The following CMTM7 variants were observed in gnomAD, a reference collection of about 807,000 sequenced individuals.
The protein encoded by CMTM7 is CKLF-like MARVEL transmembrane domain-containing protein 7.
In CMTM7, 7 loss-of-function variants were observed where a neutral mutation model predicts 19.3. That is an observed-to-expected ratio of 0.36 (90% confidence interval 0.21 to 0.68). The LOEUF (loss-of-function observed/expected upper bound fraction) is 0.68. CMTM7 is among the 30% of genes least tolerant of loss of function. The pLI is 0.60. For missense variants in CMTM7, 193 were observed against 232.6 expected (o/e 0.83, Z 1.11); for synonymous variants, 87 against 99.3 (o/e 0.88, Z 0.74).
Position 32,449,419 on chromosome 3 carries a change from C to A in CMTM7, c.334-35C>A. 1 of 1,446,726 alleles carries A rather than the reference C, an allele frequency of 6.9e-7. No individual in the cohort carries two copies. Among genetic ancestry groups the A allele is most frequent in the Non-Finnish European group, 9.7e-7 (1 of 1,027,278 alleles). The allele number at this position is 1,446,726 out of a possible 1,614,324, so 89.6% of individuals were successfully genotyped here. On this transcript the variant is annotated intron_variant, in intron 2 of 4. Transcript: ENST00000334983. The surrounding 1 kb of genome is among the most constrained non-coding windows in gnomAD (Gnocchi z 4.5). ...CTCTTCCCGGACCAGAAATGGACGG[C>A]CCTACCCACTTATTTGCTTTGTTTC... is the stretch of plus-strand genomic sequence containing the variant.
chr3:32,394,456 C>T (rs994246039), intron 1 of CMTM7, among the ~76,000 whole-genome samples: 4 of 152,158 alleles, frequency 2.6e-5, no homozygotes, highest in African/African-American at 9.7e-5. Flanking sequence ...TCTGCCAACA[C>T]GTTGTCTTAA....
rs1696805396 is a variant in CMTM7 at position 32,449,869 on chromosome 3, C to T, written c.432+317C>T. 6.6e-6 allele frequency among the ~76,000 whole-genome samples: 1 copy of T among 152,150 alleles called. No homozygotes were observed. Among genetic ancestry groups the T allele is most frequent in the South Asian group, 2.1e-4 (1 of 4,826 alleles). ...ACTCTGATCATTTGCTCGTTGGCTG[C>T]CTCAGCACTATGCAGAGACAGATGC... On this transcript the variant is annotated intron_variant, in intron 3 of 4. Transcript: ENST00000334983. The surrounding 1 kb of genome is among the most constrained non-coding windows in gnomAD (Gnocchi z 4.5).
chr3:32,435,189 G>T (rs1444448662), intron 1 of CMTM7, among the ~76,000 whole-genome samples: 1 of 152,194 alleles, frequency 6.6e-6, no homozygotes, highest in Non-Finnish European at 1.5e-5. Flanking sequence ...GGATCACGAG[G>T]TCAGGAGATC....
At chr3:32,407,288 A>G (rs867427659) in intron 1 of CMTM7, among the ~76,000 whole-genome samples, 1 of 152,166 alleles carries the variant, frequency 6.6e-6, no homozygotes, top group East Asian at 1.9e-4. Flanking sequence ...TACAGATCTC[A>G]TAAGATTTTT....
chr3:32,404,437 A>AGGT (rs1454475943), intron 1 of CMTM7, among the ~76,000 whole-genome samples: 1 of 152,190 alleles, frequency 6.6e-6, no homozygotes, highest in African/African-American at 2.4e-5. Context: ...CTGGGATTAC[A>AGGT]GGTGTGAGCC....
rs1225832160 is a variant in CMTM7, at chr3:32,441,973, G to A, written c.293G>A (p.Arg98His). The A allele has an allele frequency of 3.7e-6, 6 of 1,614,112 alleles. No individual in the cohort carries two copies. Among genetic ancestry groups the A allele is most frequent in the Middle Eastern group, 1.6e-4 (1 of 6,062 alleles). The change falls in exon 2 of 5, where the codon CGC becomes CAC. Residue 98 changes from arginine to histidine, a missense_variant. Transcript: ENST00000334983. Reference protein sequence around the residue: ...ILAFYLVHLFRFYRVLTCISW... With the variant: ...ILAFYLVHLFHFYRVLTCISW... ...GCCTTTTACCTGGTCCACCTCTTCC[G>A]CTTCTACCGCGTGCTCACCTGTATC...
At chr3:32,414,023 A>G (rs1245154020) in intron 1 of CMTM7, among the ~76,000 whole-genome samples, 4 of 152,076 alleles carry the variant, frequency 2.6e-5, no homozygotes. Flanking sequence ...GCTTGCTTCA[A>G]CAGAGAAAAC....
intron 1 of CMTM7, among the ~76,000 whole-genome samples, chr3:32,426,309 T>C (rs1696432342): frequency 6.6e-6 from 1 of 152,238 alleles, no homozygotes; most frequent in Admixed American, 6.5e-5. Context: ...TTTCACACCA[T>C]GAGTCTTTCT....
intron 1 of CMTM7, among the ~76,000 whole-genome samples, chr3:32,405,625 C>T (rs1696080961): frequency 1.3e-5 from 2 of 152,224 alleles, no homozygotes; most frequent in South Asian, 4.1e-4. Flanking sequence ...TGTGGTGGCT[C>T]GCGCCTGTGG....
chr3:32,398,148 A>C (rs1695945812), intron 1 of CMTM7, among the ~76,000 whole-genome samples: 2 of 152,220 alleles, frequency 1.3e-5, no homozygotes, highest in Non-Finnish European at 2.9e-5. Flanking sequence ...TGGGGTAATT[A>C]TCTTAATCTT....
chr3:32,393,495 G>T (rs1424231013), intron 1 of CMTM7, among the ~76,000 whole-genome samples: 3 of 152,310 alleles, frequency 2.0e-5, no homozygotes, highest in South Asian at 4.1e-4. Flanking sequence ...GGGATCAGAA[G>T]CCTCCATCTT....
chr3:32,418,758 G>A (rs1696303283), intron 1 of CMTM7, among the ~76,000 whole-genome samples: 1 of 152,146 alleles, frequency 6.6e-6, no homozygotes, highest in South Asian at 2.1e-4. Context: ...TCGTCTATTT[G>A]TCTAAGCTTT....
intron 1 of CMTM7, among the ~76,000 whole-genome samples, chr3:32,424,794 C>T (rs987680629): frequency 2.0e-5 from 3 of 152,118 alleles, no homozygotes; most frequent in Admixed American, 6.5e-5. Flanking sequence ...CACAGGTGTG[C>T]GCCACTGCAC....
intron 1 of CMTM7, among the ~76,000 whole-genome samples, chr3:32,418,377 C>G (rs754420250): frequency 2.0e-5 from 3 of 152,174 alleles, no homozygotes; most frequent in Non-Finnish European, 4.4e-5. Flanking sequence ...TTCTCTTAGT[C>G]TCTCGAAAGA....
intron 1 of CMTM7, among the ~76,000 whole-genome samples, chr3:32,402,087 T>C (rs1696016753): frequency 6.6e-6 from 1 of 152,094 alleles, no homozygotes; most frequent in South Asian, 2.1e-4. Context: ...AAGGTTTTGT[T>C]TGTTTATTTG....
intron 1 of CMTM7, among the ~76,000 whole-genome samples, chr3:32,428,282 T>G (rs1575118923): frequency 2.6e-5 from 4 of 152,078 alleles, no homozygotes. Flanking sequence ...GTGGCCAGAG[T>G]GCAGCCTCAG....
chr3:32,392,112 G>A (rs1695844418), intron 1 of CMTM7, 47 bp downstream of exon 1: 1 of 1,213,076 alleles, frequency 8.2e-7, no homozygotes, highest in Non-Finnish European at 1.0e-6. Flanking sequence ...GGGCGTCCCG[G>A]GAAAGCAGGG....
At chr3:32,437,127 C>CAA (rs1696609345) in intron 1 of CMTM7, among the ~76,000 whole-genome samples, 2 of 152,036 alleles carry the variant, frequency 1.3e-5, no homozygotes, top group African/African-American at 4.8e-5. Context: ...CTGCTCCTTC[C>CAA]AAAAAATCAT....
chr3:32,419,157 C>G (rs1053430059), intron 1 of CMTM7, among the ~76,000 whole-genome samples: 1 of 152,184 alleles, frequency 6.6e-6, no homozygotes, highest in Non-Finnish European at 1.5e-5. Context: ...AAATAGTCCT[C>G]TCCTTTGTGT....
Sources: allele counts gnomAD v4.1 joint callset (sites outside exome capture counted in the v4.1 genomes callset), GRCh38; gene constraint gnomAD v4.1.1; non-coding constraint Gnocchi (gnomAD v3.1); transcripts MANE v1.5; gene names NCBI Gene and HGNC (gene_info 2026-07-23, HGNC 2026-07-21).